ELAPOR2: variants seen among roughly 807,000 people sequenced by gnomAD.
ELAPOR2 encodes the protein endosome-lysosome associated apoptosis and autophagy regulator family member 2.
A neutral mutation model predicts 120.7 loss-of-function variants in ELAPOR2; 89 were observed. That is an observed-to-expected ratio of 0.74 (90% CI 0.62 to 0.88). The LOEUF (loss-of-function observed/expected upper bound fraction) is 0.88, where lower values mean the gene tolerates loss of function less well. ELAPOR2 is among the 40% of genes least tolerant of loss of function. The probability of loss-of-function intolerance (pLI) is 0.00; values close to 1 mark genes in which losing one functional copy is unlikely to be tolerated. For synonymous variants in ELAPOR2, 444 were observed against 444.9 expected (o/e 1.00, Z 0.03); for missense variants, 1,134 against 1,251.6 (o/e 0.91, Z 1.42).
intron 16 of ELAPOR2, among the ~76,000 whole-genome samples, chr7:86,908,866 T>C (rs1403308655): frequency 6.6e-6 from 1 of 152,110 alleles, no homozygotes; most frequent in Non-Finnish European, 1.5e-5. Flanking sequence ...AAAAGTCTAT[T>C]AAAATTTTCA....
chr7:86,974,595 G>GTGTGTGTT (rs2116523217), intron 1 of ELAPOR2, among the ~76,000 whole-genome samples: 1 of 150,842 alleles, frequency 6.6e-6, no homozygotes, highest in African/African-American at 2.4e-5. Context: ...GTGTGTGTGT[G>GTGTGTGTT]TGTGTGTGTG....
In ELAPOR2 at chr7:86,938,944, T is replaced by C; in HGVS notation, c.864A>G (p.Ser288=). 1.2e-6 allele frequency: 2 copies of C among 1,613,096 alleles called. No individual in the cohort carries two copies. Among genetic ancestry groups the C allele is most frequent in the South Asian group, 1.1e-5 (1 of 91,064 alleles). ...TGCCTGGCTTGCAAGGAAAACATTC[T>C]GATGTGTACGCCACCCCTGTGCAGT... ...NITIEGVAYT[S]ECFPCKPGTF... The change falls in exon 7 of 22, where the codon TCA becomes TCG. Residue 288 remains serine, a synonymous_variant. Coordinates refer to ENST00000450689, the MANE Select transcript of ELAPOR2 (RefSeq NM_001142749.3).
chr7:86,930,436 C>G (rs553863005), intron 8 of ELAPOR2, among the ~76,000 whole-genome samples: 2 of 151,892 alleles, frequency 1.3e-5, no homozygotes, highest in Admixed American at 1.3e-4. Flanking sequence ...AAAGGCAGAT[C>G]TAAAAACTGA....
rs191582905 is a variant in ELAPOR2, at chr7:86,987,314, A to C, written c.190-22290T>G. 2.2e-3 allele frequency among the ~76,000 whole-genome samples: 332 copies of C among 152,300 alleles called. 1 individual carries two copies. The highest frequency in any genetic ancestry group is 7.6e-3 in the African/African-American group (316 of 41,554). Reference sequence around the variant, plus strand: ...AGGACTTCATGATGAAAACACCAAAAGCAACAGCAACAAAAGCCAAAATAG... The same window carrying C: ...AGGACTTCATGATGAAAACACCAAACGCAACAGCAACAAAAGCCAAAATAG... On this transcript the variant is annotated intron_variant, in intron 1 of 21. Coordinates refer to ENST00000450689, the MANE Select transcript of ELAPOR2 (RefSeq NM_001142749.3).
At chr7:87,036,096 T>C (rs987661862) in intron 1 of ELAPOR2, among the ~76,000 whole-genome samples, 13 of 152,230 alleles carry the variant, frequency 8.5e-5, no homozygotes, top group Admixed American at 5.2e-4. Context: ...AGTATACATT[T>C]GTTCAAATAG....
chr7:86,994,672 T>C (rs4727133), intron 1 of ELAPOR2, among the ~76,000 whole-genome samples: 58,780 of 151,886 alleles, frequency 0.39, 12,420 homozygotes, highest in African/African-American at 0.56. Context: ...TAAAAGTAAA[T>C]TGATTGGTAT....
chr7:86,982,764 C>T (rs573280817), intron 1 of ELAPOR2, among the ~76,000 whole-genome samples: 12 of 152,236 alleles, frequency 7.9e-5, no homozygotes, highest in African/African-American at 2.9e-4. Context: ...TTCTAAAAAA[C>T]AGAGCACCTC....
chr7:86,991,160 G>A, intron 1 of ELAPOR2, among the ~76,000 whole-genome samples: 1 of 152,122 alleles, frequency 6.6e-6, no homozygotes, highest in East Asian at 1.9e-4. Flanking sequence ...TACAGATTAA[G>A]GGCTATCAGT....
At chr7:86,932,320 C>T (rs1181498590) in intron 8 of ELAPOR2, among the ~76,000 whole-genome samples, 4 of 151,942 alleles carry the variant, frequency 2.6e-5, no homozygotes, top group Admixed American at 2.6e-4. Context: ...AATGAGTCAA[C>T]AGGCTCCTGC....
intron 1 of ELAPOR2, among the ~76,000 whole-genome samples, chr7:87,015,808 G>C (rs909693159): frequency 6.6e-6 from 1 of 152,022 alleles, no homozygotes; most frequent in African/African-American, 2.4e-5. Flanking sequence ...CTGGGTGACA[G>C]AGCAAAAAAT....
chr7:86,932,324 C>T (rs1209288461), intron 8 of ELAPOR2, among the ~76,000 whole-genome samples: 1 of 151,900 alleles, frequency 6.6e-6, no homozygotes, highest in Non-Finnish European at 1.5e-5. Flanking sequence ...AGTCAACAGG[C>T]TCCTGCCTCC....
intron 1 of ELAPOR2, among the ~76,000 whole-genome samples, chr7:87,024,458 C>T (rs1584008534): frequency 2.0e-5 from 3 of 152,114 alleles, no homozygotes; most frequent in South Asian, 2.1e-4. Context: ...CTGCTGGATT[C>T]GGTTTGCCAG....
At chr7:86,970,464 G>A (rs942637034) in intron 1 of ELAPOR2, among the ~76,000 whole-genome samples, 8 of 152,106 alleles carry the variant, frequency 5.3e-5, no homozygotes, top group African/African-American at 1.2e-4. Context: ...AAAGGCTTCC[G>A]AATTTAAGTG....
Position 86,964,169 on chromosome 7 carries a change from T to C in ELAPOR2, c.310+735A>G, listed in dbSNP as rs555947848. 2.0e-5 allele frequency among the ~76,000 whole-genome samples: 3 copies of C among 152,130 alleles called. No individual in the cohort carries two copies. The South Asian group carries it at 6.2e-4, about 31-fold the overall frequency. On this transcript the variant is annotated intron_variant, in intron 2 of 21. Transcript: ENST00000450689. ...AGACTGCAGGAAAACCCAAATACACTCCCTCTCTTTTATTTCCAGCTTCAA... is the reference window on the plus strand; with the variant it reads ...AGACTGCAGGAAAACCCAAATACACCCCCTCTCTTTTATTTCCAGCTTCAA...
intron 1 of ELAPOR2, among the ~76,000 whole-genome samples, chr7:86,995,548 G>A (rs536429548): frequency 4.2e-4 from 64 of 152,280 alleles, no homozygotes; most frequent in Middle Eastern, 3.4e-3. Flanking sequence ...AATATAACGC[G>A]TTTTGCAAGC....
intron 1 of ELAPOR2, among the ~76,000 whole-genome samples, chr7:86,993,246 A>AAAAAAAAAAAG (rs796528835): frequency 1.6e-4 from 23 of 143,982 alleles, no homozygotes; most frequent in African/African-American, 2.6e-4. Flanking sequence ...AAAAAAAAAA[A>AAAAAAAAAAAG]AAAAGAAAAA....
At chr7:87,016,187 G>A (rs138546391) in intron 1 of ELAPOR2, among the ~76,000 whole-genome samples, 1 of 152,222 alleles carries the variant, frequency 6.6e-6, no homozygotes, top group East Asian at 1.9e-4. Flanking sequence ...TGTTCTGTAT[G>A]TTAGTGTTTA....
chr7:87,002,204 A>G (rs1263794631), intron 1 of ELAPOR2, among the ~76,000 whole-genome samples: 1 of 152,170 alleles, frequency 6.6e-6, no homozygotes, highest in Non-Finnish European at 1.5e-5. Context: ...TCCAGTTTAA[A>G]GTCACGGTAC....
chr7:87,011,450 C>T (rs970292792), intron 1 of ELAPOR2, among the ~76,000 whole-genome samples: 37 of 152,084 alleles, frequency 2.4e-4, no homozygotes, highest in Non-Finnish European at 4.3e-4. Flanking sequence ...TGGTAATATT[C>T]GGTTCTTATT....
Sources: gnomAD v4.1 joint callset for allele counts (sites outside exome capture counted in the v4.1 genomes callset) on GRCh38, gnomAD v4.1.1 for gene constraint, MANE v1.5 for transcripts, NCBI Gene and HGNC (gene_info 2026-07-23, HGNC 2026-07-21) for gene names.